Variants in RGS8 observed in about 807,000 individuals in gnomAD.
RGS8 encodes the protein regulator of G protein signaling 8, also known as regulator of G-protein signaling 8.
In RGS8, 8 loss-of-function variants were observed where a neutral mutation model predicts 21.7. The observed-to-expected ratio is 0.37, with a 90% CI of 0.22 to 0.66. RGS8 has a LOEUF of 0.66. RGS8 is among the 30% of genes least tolerant of loss of function. The pLI, the probability that RGS8 is intolerant of heterozygous loss-of-function variation, is 0.59. For synonymous variants in RGS8, 80 were observed against 83.6 expected, an observed-to-expected ratio of 0.96 and a Z score of 0.24; for missense variants, 157 against 217.9, an observed-to-expected ratio of 0.72 and a Z score of 1.76.
chr1:182,657,301 G>A (rs563900633), intron 5 of RGS8, among the ~76,000 whole-genome samples: 1 of 151,996 alleles, frequency 6.6e-6, no homozygotes, highest in East Asian at 1.9e-4. Context: ...CTGTTCTCCT[G>A]TTCTCTTTCC....
At chr1:182,745,547 C>T in the RGS8 span, among the ~76,000 whole-genome samples, 1 of 152,190 alleles carries the variant, frequency 6.6e-6, no homozygotes, top group African/African-American at 2.4e-5. Flanking sequence ...TTATTATTTA[C>T]AATCATTTCA....
At chr1:182,688,209 T>C (rs1043202925), upstream of RGS8, among the ~76,000 whole-genome samples, 13 of 152,234 alleles carry the variant, frequency 8.5e-5, no homozygotes, top group Admixed American at 5.2e-4. Context: ...CTTGTCTTGA[T>C]TTTTATCTTT....
chr1:182,690,664 T>C, the RGS8 span, among the ~76,000 whole-genome samples: 1 of 152,214 alleles, frequency 6.6e-6, no homozygotes, highest in Admixed American at 6.5e-5. Flanking sequence ...AAATAAATTG[T>C]TAAGTAGTTT....
intron 3 of RGS8, among the ~76,000 whole-genome samples, chr1:182,668,692 G>A (rs1166228479): frequency 1.3e-5 from 2 of 152,146 alleles, no homozygotes; most frequent in African/African-American, 4.8e-5. Flanking sequence ...TCTCAGCCAG[G>A]CCGCATTGTG....
At chr1:182,667,039 G>A in intron 3 of RGS8, 66 bp from the exon 5 acceptor site, 1 of 1,336,036 alleles carries the variant, frequency 7.5e-7, no homozygotes, top group Non-Finnish European at 1.1e-6. Flanking sequence ...GCTCTATACA[G>A]GGCCCCTGGA....
At chr1:182,726,527 G>A in the RGS8 span, among the ~76,000 whole-genome samples, 6 of 152,072 alleles carry the variant, frequency 3.9e-5, no homozygotes, top group Non-Finnish European at 5.9e-5. Flanking sequence ...AAAATTAGCC[G>A]AGCATGGTGG....
chr1:182,721,978 C>T, the RGS8 span, among the ~76,000 whole-genome samples: 2 of 152,212 alleles, frequency 1.3e-5, no homozygotes, highest in Non-Finnish European at 2.9e-5. Context: ...ACAGTACTTC[C>T]TTCCCCTTCT....
chr1:182,653,635 A>C (rs1201961105), intron 5 of RGS8, among the ~76,000 whole-genome samples: 1 of 152,196 alleles, frequency 6.6e-6, no homozygotes, highest in Non-Finnish European at 1.5e-5. Context: ...TGGAGGTTGC[A>C]GTAAGCCAAG....
the RGS8 span, among the ~76,000 whole-genome samples, chr1:182,740,708 G>A: frequency 5.7e-4 from 85 of 150,142 alleles, no homozygotes; most frequent in African/African-American, 2.1e-3. Context: ...GCGGCCTTCC[G>A]CAGTGTTTGT....
At chr1:182,655,477 C>A (rs1663229389) in intron 5 of RGS8, among the ~76,000 whole-genome samples, 1 of 152,234 alleles carries the variant, frequency 6.6e-6, no homozygotes, top group African/African-American at 2.4e-5. Context: ...GCAGTTAAGG[C>A]CGACTCGGCA....
intron 3 of RGS8, 37 bp downstream of exon 4, chr1:182,669,587 G>T: frequency 6.2e-7 from 1 of 1,614,200 alleles, no homozygotes; most frequent in South Asian, 1.1e-5. Context: ...AAAGAGGAAA[G>T]GGTCAGGGGC....
the RGS8 span, among the ~76,000 whole-genome samples, chr1:182,692,675 C>CAAAA: frequency 3.4e-3 from 96 of 28,004 alleles, no homozygotes; most frequent in East Asian, 5.8e-3. Context: ...CAATCCTAAG[C>CAAAA]AAAAAAAAAA....
the RGS8 span, among the ~76,000 whole-genome samples, chr1:182,704,074 A>T: frequency 6.6e-6 from 1 of 152,234 alleles, no homozygotes; most frequent in Non-Finnish European, 1.5e-5. Flanking sequence ...CTATAAGCCT[A>T]AATAGGACTG....
intron 5 of RGS8, among the ~76,000 whole-genome samples, chr1:182,648,893 G>C (rs1662844969): frequency 6.6e-6 from 1 of 152,140 alleles, no homozygotes; most frequent in African/African-American, 2.4e-5. Context: ...CTGAGGTCAG[G>C]AGTTCGAGAC....
At chr1:182,666,812 G>T (rs2102436426) in intron 4 of RGS8, 60 bp downstream of exon 5, 1 of 1,258,712 alleles carries the variant, frequency 7.9e-7, no homozygotes, top group African/African-American at 1.5e-5. Flanking sequence ...TCTCACTAAA[G>T]AAGTGAGCTA....
chr1:182,739,733 C>G, the RGS8 span, among the ~76,000 whole-genome samples: 3 of 152,220 alleles, frequency 2.0e-5, no homozygotes, highest in East Asian at 5.8e-4. Context: ...CACACCTCCT[C>G]CCACTCACCC....
chr1:182,651,229 A>G (rs546663016), intron 5 of RGS8, among the ~76,000 whole-genome samples: 1 of 152,376 alleles, frequency 6.6e-6, no homozygotes, highest in South Asian at 2.1e-4. Context: ...CAAAGTACAG[A>G]TGCTTCTGAA....
At chr1:182,683,894 A>C (rs866192061) in intron 1 of RGS8, among the ~76,000 whole-genome samples, 16 of 152,400 alleles carry the variant, frequency 1.0e-4, no homozygotes, top group African/African-American at 3.8e-4. Context: ...GTGTGCTGCC[A>C]GACTGCTGTG....
At chr1:182,694,336 G>A in the RGS8 span, among the ~76,000 whole-genome samples, 2 of 152,162 alleles carry the variant, frequency 1.3e-5, no homozygotes, top group Non-Finnish European at 2.9e-5. Context: ...CCCAAAGGAA[G>A]TGCTTAGTCT....
Sources: gnomAD v4.1 joint callset for allele counts (sites outside exome capture counted in the v4.1 genomes callset) on GRCh38, gnomAD v4.1.1 for gene constraint, MANE v1.5 for transcripts, NCBI Gene and HGNC (gene_info 2026-07-23, HGNC 2026-07-21) for gene names.